Variants in CMKLR2 observed in about 807,000 individuals in gnomAD.
CMKLR2 encodes the protein chemerin-like receptor 2.
In CMKLR2, 18 loss-of-function variants were observed where a neutral mutation model predicts 23.0. The ratio of observed to expected loss-of-function variants is 0.78; its 90% CI spans 0.54 to 1.16. The LOEUF is 1.16. Among genes scored for constraint, CMKLR2 ranks in the 50% most tolerant of loss-of-function variants. The pLI, the probability that CMKLR2 is intolerant of heterozygous loss-of-function variation, is 0.00. For synonymous variants in CMKLR2, 158 were observed against 158.9 expected, an observed-to-expected ratio of 0.99 and a Z score of 0.05; for missense variants, 401 against 412.7, an observed-to-expected ratio of 0.97 and a Z score of 0.25.
At chr2:206,182,806 A>G (rs561826273) in intron 1 of CMKLR2, among the ~76,000 whole-genome samples, 66 of 152,038 alleles carry the variant, frequency 4.3e-4, no homozygotes, top group African/African-American at 1.4e-3. Context: ...TTTTAGTAGA[A>G]ACAAGGTTTC....
intron 1 of CMKLR2, among the ~76,000 whole-genome samples, chr2:206,178,008 G>A (rs2105798452): frequency 6.6e-6 from 1 of 152,280 alleles, no homozygotes; most frequent in South Asian, 2.1e-4. Flanking sequence ...AGACACAGTG[G>A]CTCACACCTG....
chr2:206,196,782 T>C (rs16838041), intron 1 of CMKLR2, among the ~76,000 whole-genome samples: 6,563 of 152,268 alleles, frequency 0.043, 201 homozygotes, highest in East Asian at 0.11. Flanking sequence ...TCTGACTCTG[T>C]TGTTAAAGTC....
At chr2:206,182,072 G>A (rs2105803783) in intron 1 of CMKLR2, among the ~76,000 whole-genome samples, 1 of 151,994 alleles carries the variant, frequency 6.6e-6, no homozygotes, top group Middle Eastern at 3.4e-3. Context: ...TAAGTAGGTT[G>A]TGGAGGGGGA....
rs1313463097 is a variant in CMKLR2 at position 206,176,256 on chromosome 2, C to T, written c.992G>A (p.Ser331Asn). ...CTGTTCACTCACTGTGCCAGAACAG[C>T]TGACTTCCCACAGTGTGTACTTGAG... is the stretch of plus-strand genomic sequence containing the variant. ...EILKYTLWEV[S>N]CSGTVSEQLR... Residue 331 changes from serine to asparagine, a missense_variant, in exon 2 of 2, where the codon AGC becomes AAC. Transcript: ENST00000621141. The T allele has an allele frequency of 1.2e-6, 2 of 1,614,208 alleles. No homozygotes were observed. The highest frequency in any genetic ancestry group is 1.1e-5 in the South Asian group (1 of 91,082).
chr2:206,190,102 A>G (rs1278699467), intron 1 of CMKLR2, among the ~76,000 whole-genome samples: 1 of 152,052 alleles, frequency 6.6e-6, no homozygotes, highest in Non-Finnish European at 1.5e-5. Context: ...CTCACACTCC[A>G]ACCCCTGGCA....
intron 1 of CMKLR2, among the ~76,000 whole-genome samples, chr2:206,199,468 G>T (rs1216505152): frequency 6.6e-6 from 1 of 152,280 alleles, no homozygotes; most frequent in African/African-American, 2.4e-5. Flanking sequence ...AAGAATGCCG[G>T]GAGGGAAAGA....
intron 1 of CMKLR2, among the ~76,000 whole-genome samples, chr2:206,205,517 C>T (rs1012487629): frequency 2.0e-5 from 3 of 151,672 alleles, no homozygotes; most frequent in African/African-American, 7.3e-5. Flanking sequence ...TGCTCACCAC[C>T]ACACCCGGCT....
At chr2:206,185,815 G>C (rs914686322) in intron 1 of CMKLR2, among the ~76,000 whole-genome samples, 1 of 152,170 alleles carries the variant, frequency 6.6e-6, no homozygotes. Context: ...TTTTCTTAAT[G>C]AAGTCCAATA....
chr2:206,202,773 A>G (rs926385083), intron 1 of CMKLR2, among the ~76,000 whole-genome samples: 1 of 151,906 alleles, frequency 6.6e-6, no homozygotes, highest in African/African-American at 2.4e-5. Flanking sequence ...TTACTACAAA[A>G]GAGGAGAACT....
At chr2:206,180,734 C>CATTATTATTATTATG (rs1553513112) in intron 1 of CMKLR2, among the ~76,000 whole-genome samples, 17 of 130,558 alleles carry the variant, frequency 1.3e-4, no homozygotes, top group South Asian at 5.4e-4. Flanking sequence ...GTGCCCAGCC[C>CATTATTATTATTATG]ATTATTATTA....
At position 206,176,756 on chromosome 2, in the gene CMKLR2, CA is replaced by C. The variant is rs764098201; in HGVS notation, c.491del (p.Leu164TrpfsTer4). ...GGGCAGGACCGCCAATTAGAGAAGC[CA>C]AAAGCCAGATGAATATAATGACAAT... ...SLIVIIFIWLLASLIGGPALY... is the reference protein window; with the variant it reads ...SLIVIIFIWLXASLIGGPALY... On this transcript the variant is annotated frameshift_variant, in exon 2 of 2. Transcript: ENST00000621141. LOFTEE classifies it high-confidence loss of function. The C allele has an allele frequency of 2.7e-5, 44 of 1,613,986 alleles. No homozygotes were observed. Among genetic ancestry groups the C allele is most frequent in the Non-Finnish European group, 3.7e-5 (44 of 1,180,026 alleles).
intron 1 of CMKLR2, among the ~76,000 whole-genome samples, chr2:206,200,413 A>G (rs1689057916): frequency 1.3e-5 from 2 of 152,052 alleles, no homozygotes; most frequent in Admixed American, 1.3e-4. Flanking sequence ...ACAAGAGTAA[A>G]TCTCCGTCTC....
chr2:206,202,620 C>T (rs1187494339), intron 1 of CMKLR2, among the ~76,000 whole-genome samples: 1 of 152,068 alleles, frequency 6.6e-6, no homozygotes, highest in Non-Finnish European at 1.5e-5. Context: ...CACCACGTTC[C>T]GCACTAACCT....
intron 1 of CMKLR2, among the ~76,000 whole-genome samples, chr2:206,207,965 C>T (rs184301761): frequency 6.6e-6 from 1 of 151,948 alleles, no homozygotes; most frequent in Non-Finnish European, 1.5e-5. Flanking sequence ...GTCTCGAACT[C>T]CTGACCTCAG....
rs569803826 is a variant in CMKLR2, at chr2:206,176,134, G to A, written c.*46C>T. 6.1e-6 allele frequency: 8 copies of A among 1,321,782 alleles called. No individual in the cohort carries two copies. Among genetic ancestry groups the A allele is most frequent in the African/African-American group, 1.5e-5 (1 of 68,124 alleles). 81.9% of individuals were successfully genotyped at this position (1,321,782 alleles called of 1,614,324 possible). On this transcript the variant is annotated 3_prime_UTR_variant, in exon 2 of 2. Transcript: ENST00000621141. ...TTTTAATCTGAAAGCATCAGTCAGA[G>A]GACCCACATAAAAAGCCATATACTG...
intron 1 of CMKLR2, among the ~76,000 whole-genome samples, chr2:206,180,762 A>G (rs893836341): frequency 6.8e-6 from 1 of 146,738 alleles, no homozygotes; most frequent in African/African-American, 2.5e-5. Flanking sequence ...TATTATTATT[A>G]TTATTATTTT....
In CMKLR2 at chr2:206,175,928, G is replaced by GA; in HGVS notation, c.*251dup. 2.9e-6 allele frequency: 1 copy of GA among 350,462 alleles called. No homozygotes were observed. Among genetic ancestry groups the GA allele is most frequent in the Non-Finnish European group, 5.1e-6 (1 of 195,824 alleles). 21.7% of individuals were successfully genotyped at this position (350,462 alleles called of 1,614,324 possible). A position where few individuals can be genotyped will look rare whatever the true frequency, so the allele number is the denominator to read the frequency against. ...AATGATGCATTTCATTTAAGTTGCA[G>GA]AAAAAAATTATGCGGATCCTTCCTA... On this transcript the variant is annotated 3_prime_UTR_variant, in exon 2 of 2. Coordinates refer to ENST00000621141, the MANE Select transcript of CMKLR2 (RefSeq NM_001389445.1).
intron 1 of CMKLR2, among the ~76,000 whole-genome samples, chr2:206,207,268 G>A (rs553643352): frequency 5.3e-5 from 8 of 151,906 alleles, no homozygotes; most frequent in African/African-American, 1.9e-4. Flanking sequence ...AGCCTCTGGA[G>A]TAGCTGGGAC....
chr2:206,179,689 T>C (rs1559083301), intron 1 of CMKLR2, among the ~76,000 whole-genome samples: 3 of 152,178 alleles, frequency 2.0e-5, no homozygotes. Context: ...GAATGTCAGT[T>C]TTTCAATCAG....
Sources: allele counts gnomAD v4.1 joint callset (sites outside exome capture counted in the v4.1 genomes callset), GRCh38; gene constraint gnomAD v4.1.1; transcripts MANE v1.5; gene names NCBI Gene and HGNC (gene_info 2026-07-23, HGNC 2026-07-21).